RGS6: variants seen among roughly 807,000 people sequenced by gnomAD.
RGS6 encodes regulator of G protein signaling 6.
In RGS6, 30 loss-of-function variants were observed where a neutral mutation model predicts 78.5. That is an observed-to-expected ratio of 0.38 (90% CI 0.29 to 0.52). The LOEUF is 0.52. Ranked by LOEUF, RGS6 falls within the 20% of genes least tolerant of loss-of-function variation. RGS6 has a pLI of 0.85. For missense variants in RGS6, 495 were observed against 609.7 expected (o/e 0.81, Z 1.98); for synonymous variants, 206 against 206.0 (o/e 1.00, Z 0.00).
intron 3 of RGS6, among the ~76,000 whole-genome samples, chr14:72,384,094 T>C (rs1171563525): frequency 1.3e-5 from 2 of 152,200 alleles, no homozygotes; most frequent in African/African-American, 4.8e-5. Flanking sequence ...TTTGATCGTA[T>C]AATAAGTGCC....
At chr14:71,911,187 A>C in the RGS6 span, among the ~76,000 whole-genome samples, 1 of 152,174 alleles carries the variant, frequency 6.6e-6, no homozygotes, top group Non-Finnish European at 1.5e-5. Context: ...TCAGGTGGAG[A>C]TCTCGCTGCA....
chr14:72,040,504 C>G (rs2092298797), intron 2 of RGS6, among the ~76,000 whole-genome samples: 1 of 151,980 alleles, frequency 6.6e-6, no homozygotes, highest in Non-Finnish European at 1.5e-5. Context: ...ATTTCATGTA[C>G]ATGATGACTT....
At chr14:72,251,962 T>C (rs953399215) in intron 2 of RGS6, among the ~76,000 whole-genome samples, 13 of 152,252 alleles carry the variant, frequency 8.5e-5, no homozygotes, top group African/African-American at 2.9e-4. Context: ...GGGAAACTTG[T>C]TGAAGGTGTA....
intron 2 of RGS6, among the ~76,000 whole-genome samples, chr14:72,224,120 C>A (rs912918763): frequency 4.6e-5 from 7 of 152,300 alleles, no homozygotes; most frequent in African/African-American, 1.7e-4. Context: ...AAATTTGCAA[C>A]AAGCCATAAG....
At chr14:72,185,903 C>T (rs2097237320) in intron 2 of RGS6, among the ~76,000 whole-genome samples, 1 of 152,248 alleles carries the variant, frequency 6.6e-6, no homozygotes, top group Admixed American at 6.5e-5. Context: ...GGCCACTGTA[C>T]TTGAGCCTGG....
At position 72,081,339 on chromosome 14, in the gene RGS6, A is replaced by T. The variant is rs946103834; in HGVS notation, c.84+116464A>T. On this transcript the variant is annotated intron_variant, in intron 2 of 17. Coordinates refer to ENST00000553525, the MANE Select transcript of RGS6 (RefSeq NM_001204424.2). ...AGTTTGTTGTATGTGGAAATGCTGC[A>T]TCAGCACTAATTCTTACATATTTTA... Among the ~76,000 whole-genome samples the T allele has an allele frequency of 1.4e-4, 22 of 152,192 alleles. No homozygotes were observed. The South Asian group carries it at 2.9e-3, about 20-fold the overall frequency.
the RGS6 span, among the ~76,000 whole-genome samples, chr14:71,877,878 C>T: frequency 6.6e-6 from 1 of 152,130 alleles, no homozygotes; most frequent in Non-Finnish European, 1.5e-5. Flanking sequence ...GATGTCTTTT[C>T]TGTTTGTTAG....
At chr14:72,221,560 A>T (rs1330696593) in intron 2 of RGS6, among the ~76,000 whole-genome samples, 4 of 152,192 alleles carry the variant, frequency 2.6e-5, no homozygotes, top group African/African-American at 9.7e-5. Flanking sequence ...AGGACTTCCA[A>T]TCTGACATTT....
At chr14:72,382,306 A>T (rs1490689381) in intron 3 of RGS6, among the ~76,000 whole-genome samples, 2 of 152,182 alleles carry the variant, frequency 1.3e-5, no homozygotes, top group Non-Finnish European at 2.9e-5. Flanking sequence ...ATTTCATAGA[A>T]GAGAAAATAT....
intron 2 of RGS6, among the ~76,000 whole-genome samples, chr14:72,049,786 C>T (rs1567097487): frequency 6.6e-6 from 1 of 152,198 alleles, no homozygotes; most frequent in Admixed American, 6.5e-5. Context: ...TGACTCATCC[C>T]TGCTTTTCAG....
At chr14:72,361,028 T>C (rs1406921790) in intron 3 of RGS6, among the ~76,000 whole-genome samples, 1 of 151,930 alleles carries the variant, frequency 6.6e-6, no homozygotes, top group Non-Finnish European at 1.5e-5. Context: ...TTCGCCATGA[T>C]TGTAAGTTTC....
At chr14:71,956,268 G>T (rs1021811155) in intron 1 of RGS6, among the ~76,000 whole-genome samples, 3 of 151,796 alleles carry the variant, frequency 2.0e-5, no homozygotes, top group Non-Finnish European at 4.4e-5. Context: ...GTTGGAATTT[G>T]GTAAGGATAG....
At chr14:72,057,313 G>GAAAAAAAAAAAAAA (rs71109718) in intron 2 of RGS6, among the ~76,000 whole-genome samples, 22 of 56,166 alleles carry the variant, frequency 3.9e-4, no homozygotes, top group South Asian at 1.5e-3. Flanking sequence ...GACTCTATCT[G>GAAAAAAAAAAAAAA]AAAAAAAAAA....
At chr14:72,619,616 G>T in the RGS6 span, among the ~76,000 whole-genome samples, 1 of 152,140 alleles carries the variant, frequency 6.6e-6, no homozygotes, top group African/African-American at 2.4e-5. Context: ...CCGGGCCTGC[G>T]CCAGTTCTCC....
chr14:72,439,335 A>G (rs1164910518), intron 3 of RGS6, among the ~76,000 whole-genome samples: 1 of 152,244 alleles, frequency 6.6e-6, no homozygotes, highest in Non-Finnish European at 1.5e-5. Flanking sequence ...GTAAGAAACC[A>G]TGAGGTGACC....
intron 2 of RGS6, among the ~76,000 whole-genome samples, chr14:72,334,328 A>G (rs2075636107): frequency 6.6e-6 from 1 of 152,180 alleles, no homozygotes; most frequent in Admixed American, 6.5e-5. Context: ...CTGCGGAAAG[A>G]GCCTTCCTAT....
At chr14:72,266,395 G>A (rs534861385) in intron 2 of RGS6, among the ~76,000 whole-genome samples, 2 of 152,272 alleles carry the variant, frequency 1.3e-5, no homozygotes, top group Admixed American at 6.5e-5. Context: ...CCTCTCTGCT[G>A]TATTCGGTGG....
In RGS6 at chr14:72,078,821, T is replaced by C. The variant is rs147255618; in HGVS notation, c.84+113946T>C. Among the ~76,000 whole-genome samples the C allele has an allele frequency of 1.5e-3, 236 of 152,346 alleles. 1 individual carries two copies. Among genetic ancestry groups the C allele is most frequent in the African/African-American group, 5.4e-3 (223 of 41,586 alleles). On this transcript the variant is annotated intron_variant, in intron 2 of 17. Coordinates refer to ENST00000553525, the MANE Select transcript of RGS6 (RefSeq NM_001204424.2). ...TTCTGAATCCAAGCCTCCAACTTTA[T>C]CTACCCATCACGGTTTTAGCTTATA...
intron 2 of RGS6, among the ~76,000 whole-genome samples, chr14:72,344,439 T>C (rs2077600670): frequency 6.6e-6 from 1 of 152,204 alleles, no homozygotes; most frequent in Admixed American, 6.5e-5. Flanking sequence ...AATCTTCAGA[T>C]TTTTGTTATG....
Sources: allele counts gnomAD v4.1 joint callset (sites outside exome capture counted in the v4.1 genomes callset), GRCh38; gene constraint gnomAD v4.1.1; transcripts MANE v1.5; gene names NCBI Gene and HGNC (gene_info 2026-07-23, HGNC 2026-07-21).